Variants in SIPA1L1 observed in about 807,000 individuals in gnomAD.
SIPA1L1 encodes signal-induced proliferation-associated 1-like protein 1.
SIPA1L1 carries 26 observed loss-of-function variants against 162.7 expected under a neutral mutation model. The ratio of observed to expected loss-of-function variants is 0.16; its 90% confidence interval spans 0.12 to 0.22. The LOEUF (loss-of-function observed/expected upper bound fraction) is 0.22, where lower values mean the gene tolerates loss of function less well. Among genes scored for constraint, SIPA1L1 ranks in the 10% least tolerant of loss-of-function variants. The pLI is 1.00. For missense variants in SIPA1L1, 1,874 were observed against 2,241.0 expected, an observed-to-expected ratio of 0.84 and a Z score of 3.31; for synonymous variants, 829 against 837.4, an observed-to-expected ratio of 0.99 and a Z score of 0.17.
chr14:71,535,546 G>T (rs1189351665), intron 4 of SIPA1L1, among the ~76,000 whole-genome samples: 4 of 151,826 alleles, frequency 2.6e-5, no homozygotes, highest in Admixed American at 2.6e-4. Context: ...CAAGTCACCA[G>T]AAGCTGCATG....
At chr14:71,736,951 G>A (rs950156056) in intron 22 of SIPA1L1, among the ~76,000 whole-genome samples, 3 of 152,194 alleles carry the variant, frequency 2.0e-5, no homozygotes, top group Non-Finnish European at 2.9e-5. Flanking sequence ...CCCCAGCCTC[G>A]TTGTGTCTGT....
In SIPA1L1 at chr14:71,671,150, T is replaced by G. The variant is rs2044476670; in HGVS notation, c.2287T>G (p.Ser763Ala). The change falls in exon 11 of 24, where the codon TCC (serine) becomes GCC (alanine). Residue 763 changes from serine (S) to alanine (A), a missense_variant. This residue lies in a region of SIPA1L1 where 243 missense variants were observed against 315.0 expected (regional missense o/e 0.77). Coordinates refer to ENST00000381232, the MANE Select transcript of SIPA1L1 (RefSeq NM_001386936.1). ...TGTTACCAGGTCCAGAGATGTGCCTTCCTTTGGGCCTCCCATTCCTAAAGG... is the reference window on the plus strand; with the variant it reads ...TGTTACCAGGTCCAGAGATGTGCCTGCCTTTGGGCCTCCCATTCCTAAAGG... ...VAVTRSRDVP[S>A]FGPPIPKGVT... is the part of the protein sequence containing the mutation. 5.0e-6 allele frequency: 8 copies of G among 1,612,116 alleles called. No individual in the cohort carries two copies. Among genetic ancestry groups the G allele is most frequent in the Non-Finnish European group, 6.8e-6 (8 of 1,178,626 alleles).
At position 71,671,554 on chromosome 14, in the gene SIPA1L1, C is replaced by T. The variant is rs977387405; in HGVS notation, c.2691C>T (p.Phe897=). The T allele has an allele frequency of 6.2e-7, 1 of 1,614,156 alleles. No individual in the cohort carries two copies. Among genetic ancestry groups the T allele is most frequent in the Non-Finnish European group, 8.5e-7 (1 of 1,180,034 alleles). Reference sequence around the variant, plus strand: ...AACAGGAAACAAAGAGCGTGGTCTTCAATTGTTCCTGTAGAGATGTGATAG... The same window carrying T: ...AACAGGAAACAAAGAGCGTGGTCTTTAATTGTTCCTGTAGAGATGTGATAG... The part of the protein sequence containing the change: ...LIEQETKSVV[F]NCSCRDVIGW... Residue 897 remains phenylalanine, a synonymous_variant, in exon 11 of 24, where the codon TTC becomes TTT. Transcript: ENST00000381232.
intron 4 of SIPA1L1, among the ~76,000 whole-genome samples, chr14:71,549,362 G>A (rs1473350134): frequency 1.3e-5 from 2 of 151,288 alleles, no homozygotes; most frequent in Non-Finnish European, 2.9e-5. Flanking sequence ...CCCTAGCCAT[G>A]ATGCTTGCCC....
At chr14:71,573,535 A>G (rs747337733) in intron 4 of SIPA1L1, 6 of 456,662 alleles carry the variant, frequency 1.3e-5, no homozygotes, top group South Asian at 9.3e-5. Flanking sequence ...GGATGTCTAC[A>G]GCTGCACAAG....
chr14:71,584,573 CAG>C (rs145108716), intron 4 of SIPA1L1, among the ~76,000 whole-genome samples: 1,826 of 152,222 alleles, frequency 0.012, 22 homozygotes, highest in Non-Finnish European at 0.018. Flanking sequence ...TACAGAAACA[CAG>C]GGGGTGATTT....
At chr14:71,359,332 T>G (rs2037575330) in intron 2 of SIPA1L1, among the ~76,000 whole-genome samples, 1 of 152,192 alleles carries the variant, frequency 6.6e-6, no homozygotes, top group Non-Finnish European at 1.5e-5. Flanking sequence ...CATGTGGAAC[T>G]GTGAATCCAC....
intron 2 of SIPA1L1, among the ~76,000 whole-genome samples, chr14:71,491,113 AATTCACCTATTAAT>A (rs2049211337): frequency 6.6e-6 from 1 of 152,230 alleles, no homozygotes; most frequent in Non-Finnish European, 1.5e-5. Flanking sequence ...AAAGAAATTA[AATTCACCTATTAAT>A]ATATTTCTAA....
intron 2 of SIPA1L1, among the ~76,000 whole-genome samples, chr14:71,489,664 C>G (rs1341255200): frequency 6.8e-6 from 1 of 147,982 alleles, no homozygotes; most frequent in Non-Finnish European, 1.5e-5. Flanking sequence ...TCAGGCCACG[C>G]ATAAAGTACA....
chr14:71,333,487 A>G (rs1313575530), intron 2 of SIPA1L1, among the ~76,000 whole-genome samples: 1 of 152,224 alleles, frequency 6.6e-6, no homozygotes, highest in Non-Finnish European at 1.5e-5. Flanking sequence ...AGATTCAGTT[A>G]TGCAAAGTAA....
At chr14:71,562,349 T>C (rs1044181688) in intron 4 of SIPA1L1, among the ~76,000 whole-genome samples, 13 of 152,120 alleles carry the variant, frequency 8.5e-5, no homozygotes, top group African/African-American at 2.9e-4. Flanking sequence ...TTATCAAAAA[T>C]AGAACCCATA....
At chr14:71,400,099 A>G (rs573045772) in intron 2 of SIPA1L1, among the ~76,000 whole-genome samples, 2 of 152,220 alleles carry the variant, frequency 1.3e-5, no homozygotes, top group South Asian at 4.1e-4. Context: ...TGCTGGGATT[A>G]CAGGCATCAG....
intron 2 of SIPA1L1, among the ~76,000 whole-genome samples, chr14:71,407,222 G>A (rs761793249): frequency 3.3e-5 from 5 of 152,134 alleles, no homozygotes; most frequent in Non-Finnish European, 5.9e-5. Flanking sequence ...TCCTCACCTT[G>A]TACGATTGTG....
At chr14:71,464,699 A>G (rs2046855682) in intron 2 of SIPA1L1, among the ~76,000 whole-genome samples, 1 of 152,168 alleles carries the variant, frequency 6.6e-6, no homozygotes, top group African/African-American at 2.4e-5. Context: ...AGTGGGCCCA[A>G]TTCATTAAAT....
intron 2 of SIPA1L1, among the ~76,000 whole-genome samples, chr14:71,491,500 TAGTATTAGGGAGCA>T (rs2049247929): frequency 6.6e-6 from 1 of 151,360 alleles, no homozygotes; most frequent in African/African-American, 2.4e-5. Context: ...ATATAAGCAG[TAGTATTAGGGAGCA>T]ACCTGTTTGT....
In SIPA1L1 at chr14:71,739,221, C is replaced by G; in HGVS notation, c.*60C>G. ...ACTCCCTCCAGTGAGTGTCCTGCAG[C>G]CCTTATTCCCTCCATAGAAAGCATC... On this transcript the variant is annotated 3_prime_UTR_variant, in exon 24 of 24. Transcript: ENST00000381232. 6.8e-7 allele frequency: 1 copy of G among 1,477,262 alleles called. No homozygotes were observed. 91.5% of individuals were successfully genotyped at this position (1,477,262 alleles called of 1,614,324 possible).
chr14:71,641,645 C>A (rs888268011), intron 7 of SIPA1L1, among the ~76,000 whole-genome samples: 7 of 152,142 alleles, frequency 4.6e-5, no homozygotes, highest in Non-Finnish European at 8.8e-5. Flanking sequence ...ATGGTGTGAA[C>A]CTGGGAGGCG....
intron 19 of SIPA1L1, among the ~76,000 whole-genome samples, chr14:71,725,394 G>A (rs1237869493): frequency 2.6e-5 from 4 of 152,144 alleles, no homozygotes; most frequent in Non-Finnish European, 5.9e-5. Context: ...AGCAATCTAA[G>A]TCTACCCACA....
chr14:71,439,645 A>C (rs1025689943), intron 2 of SIPA1L1, among the ~76,000 whole-genome samples: 1 of 152,222 alleles, frequency 6.6e-6, no homozygotes, highest in Non-Finnish European at 1.5e-5. Flanking sequence ...GGACATTATA[A>C]AATTTGGTAG....
Sources: gnomAD v4.1 joint callset for allele counts (sites outside exome capture counted in the v4.1 genomes callset) on GRCh38, gnomAD v4.1.1 for gene constraint, gnomAD v4.1.1 regional missense constraint, MANE v1.5 for transcripts, NCBI Gene and HGNC (gene_info 2026-07-23, HGNC 2026-07-21) for gene names.